PALS1: variants seen among roughly 807,000 people sequenced by gnomAD.
PALS1 encodes protein associated with LIN7 1, MAGUK p55 family member.
Under a neutral mutation model 78.9 loss-of-function variants are expected in PALS1, and 31 were observed. That is an observed-to-expected ratio of 0.39 (90% CI 0.30 to 0.53). The LOEUF is 0.53. PALS1 is among the 20% of genes least tolerant of loss of function. The pLI is 0.67. For synonymous variants in PALS1, 276 were observed against 270.9 expected (o/e 1.02, Z -0.18); for missense variants, 704 against 826.5 (o/e 0.85, Z 1.82).
At chr14:67,292,241 A>T (rs1251942796) in intron 3 of PALS1, among the ~76,000 whole-genome samples, 1 of 152,122 alleles carries the variant, frequency 6.6e-6, no homozygotes, top group African/African-American at 2.4e-5. Flanking sequence ...TTATTTTTGC[A>T]TTCCTCCCCT....
chr14:67,311,670 G>A (rs68002629), intron 8 of PALS1, among the ~76,000 whole-genome samples: 29,070 of 152,092 alleles, frequency 0.19, 4,471 homozygotes, highest in East Asian at 0.48. Context: ...ATGGCATACA[G>A]AATAGCTTAT....
chr14:67,289,369 A>G (rs980413396), intron 3 of PALS1, among the ~76,000 whole-genome samples: 1 of 152,150 alleles, frequency 6.6e-6, no homozygotes, highest in Admixed American at 6.5e-5. Context: ...ATTAAGTATT[A>G]TAAGTAATCT....
chr14:67,308,388 A>G (rs1247858804), intron 8 of PALS1, among the ~76,000 whole-genome samples: 2 of 149,862 alleles, frequency 1.3e-5, no homozygotes, highest in Non-Finnish European at 3.0e-5. Context: ...CTTCATGAGT[A>G]CTAACCTTTC....
chr14:67,249,759 A>G (rs2084039717), intron 1 of PALS1, among the ~76,000 whole-genome samples: 1 of 152,236 alleles, frequency 6.6e-6, no homozygotes, highest in Non-Finnish European at 1.5e-5. Flanking sequence ...ATTGTCACAG[A>G]AAAGGTTTGA....
chr14:67,328,588 T>C (rs1180808113), intron 14 of PALS1, among the ~76,000 whole-genome samples: 1 of 152,214 alleles, frequency 6.6e-6, no homozygotes, highest in Admixed American at 6.5e-5. Context: ...CTAGGTTTTC[T>C]TCTAGGGTTT....
chr14:67,256,651 G>A (rs1315875901), intron 1 of PALS1, among the ~76,000 whole-genome samples: 1 of 151,992 alleles, frequency 6.6e-6, no homozygotes, highest in Non-Finnish European at 1.5e-5. Context: ...AGATTCAAGT[G>A]ATTCTCGTGC....
chr14:67,306,718 C>A (rs898855678), intron 8 of PALS1, among the ~76,000 whole-genome samples: 1 of 152,030 alleles, frequency 6.6e-6, no homozygotes, highest in Admixed American at 6.6e-5. Flanking sequence ...ATATATCTTG[C>A]CAAGTTTTGT....
chr14:67,301,014 C>T (rs1316411994), intron 4 of PALS1, among the ~76,000 whole-genome samples: 2 of 152,028 alleles, frequency 1.3e-5, no homozygotes, highest in Non-Finnish European at 2.9e-5. Context: ...TTTAAGTTGT[C>T]ATCTCTGATT....
chr14:67,329,487 T>A (rs1222307695), intron 14 of PALS1, among the ~76,000 whole-genome samples: 1 of 152,194 alleles, frequency 6.6e-6, no homozygotes, highest in East Asian at 1.9e-4. Context: ...CCTGCCTGAT[T>A]GCCCTGGCCA....
chr14:67,323,399 GAGGCC>G (rs1210004020), intron 13 of PALS1, among the ~76,000 whole-genome samples: 2 of 151,608 alleles, frequency 1.3e-5, no homozygotes, highest in Non-Finnish European at 2.9e-5. Context: ...AGCATTGCTT[GAGGCC>G]AGGAGTTCAA....
In PALS1 at chr14:67,325,649, C is replaced by T. The variant is rs147764640; in HGVS notation, c.1851+1837C>T. On this transcript the variant is annotated intron_variant, in intron 14 of 14. Coordinates refer to ENST00000261681, the MANE Select transcript of PALS1 (RefSeq NM_022474.4). ...CCATGGTTGTTCAAGGAAAAGGATG[C>T]GCACTAAGGACCAGAGTGTACTCCA... Among the ~76,000 whole-genome samples the T allele has an allele frequency of 3.0e-3, 461 of 152,236 alleles. 1 individual carries two copies. The highest frequency in any genetic ancestry group is 6.2e-3 in the South Asian group (30 of 4,820).
intron 9 of PALS1, among the ~76,000 whole-genome samples, chr14:67,313,074 C>T (rs914118118): frequency 6.6e-6 from 1 of 152,070 alleles, no homozygotes; most frequent in African/African-American, 2.4e-5. Context: ...AGATGCATAA[C>T]TTTATAAGGA....
rs61592505 is a variant in PALS1 at position 67,325,979 on chromosome 14, CT to C, written c.1851+2186del. Among the ~76,000 whole-genome samples the C allele has an allele frequency of 2.5e-3, 279 of 110,212 alleles. 1 individual carries two copies. The highest frequency in any genetic ancestry group is 8.3e-3 in the African/African-American group (214 of 25,680). The allele number at this position is 110,212 out of a possible 152,430, so 72.3% of individuals were successfully genotyped here. A position where few individuals can be genotyped will look rare whatever the true frequency, so the allele number is the denominator to read the frequency against. On this transcript the variant is annotated intron_variant, in intron 14 of 14. Coordinates refer to ENST00000261681, the MANE Select transcript of PALS1 (RefSeq NM_022474.4). ...ACCTGCCACCACACCCGGCTCTTTT[CT>C]TTTTTTTTTTTTTTTTTTGTATTTT...
chr14:67,305,610 G>A (rs1419337866), intron 8 of PALS1, among the ~76,000 whole-genome samples: 1 of 152,052 alleles, frequency 6.6e-6, no homozygotes, highest in Non-Finnish European at 1.5e-5. Flanking sequence ...TTTTTTTCCT[G>A]CTATTCATGC....
At chr14:67,307,737 C>T (rs2085025280) in intron 8 of PALS1, among the ~76,000 whole-genome samples, 1 of 151,774 alleles carries the variant, frequency 6.6e-6, no homozygotes. Context: ...CTACAATGAA[C>T]TTTAAGAGTT....
At chr14:67,316,578 C>G (rs1445072432) in intron 9 of PALS1, among the ~76,000 whole-genome samples, 1 of 151,988 alleles carries the variant, frequency 6.6e-6, no homozygotes, top group Non-Finnish European at 1.5e-5. Flanking sequence ...AAAAGTTGAA[C>G]TATTAAATTT....
chr14:67,256,055 A>G (rs1444324181), intron 1 of PALS1, among the ~76,000 whole-genome samples: 1 of 152,028 alleles, frequency 6.6e-6, no homozygotes, highest in African/African-American at 2.4e-5. Context: ...GAAAAGTAAT[A>G]TCTTTGTGTT....
intron 1 of PALS1, among the ~76,000 whole-genome samples, chr14:67,259,484 C>T (rs115619885): frequency 0.083 from 12,543 of 151,880 alleles, 1,251 homozygotes; most frequent in African/African-American, 0.24. Context: ...TAGTGTTGGG[C>T]GCCTGTAATC....
intron 1 of PALS1, among the ~76,000 whole-genome samples, chr14:67,262,724 A>G (rs1338695304): frequency 6.6e-6 from 1 of 152,170 alleles, no homozygotes; most frequent in Non-Finnish European, 1.5e-5. Flanking sequence ...TTGCAGGAGA[A>G]AATTCAAACA....
Sources: allele counts gnomAD v4.1 joint callset (sites outside exome capture counted in the v4.1 genomes callset), GRCh38; gene constraint gnomAD v4.1.1; transcripts MANE v1.5; gene names NCBI Gene and HGNC (gene_info 2026-07-23, HGNC 2026-07-21).